Variants in STXBP4 observed in about 807,000 individuals in gnomAD.
The protein encoded by STXBP4 is syntaxin-binding protein 4.
STXBP4 carries 55 observed loss-of-function variants against 76.1 expected under a neutral mutation model. That is an observed-to-expected ratio of 0.72 (90% CI 0.58 to 0.91). The LOEUF is 0.91. Ranked by LOEUF, STXBP4 falls within the 40% of genes least tolerant of loss-of-function variation. STXBP4 has a pLI of 0.00. For synonymous variants in STXBP4, 201 were observed against 220.2 expected, an observed-to-expected ratio of 0.91 and a Z score of 0.77; for missense variants, 618 against 636.9, an observed-to-expected ratio of 0.97 and a Z score of 0.32.
chr17:55,016,093 T>C (rs1401337601), intron 8 of STXBP4, among the ~76,000 whole-genome samples: 1 of 152,150 alleles, frequency 6.6e-6, no homozygotes, highest in Non-Finnish European at 1.5e-5. Flanking sequence ...ATTTCTCTTC[T>C]GGAAAAAGAA....
chr17:55,188,991 C>G, the STXBP4 span, among the ~76,000 whole-genome samples: 1 of 151,938 alleles, frequency 6.6e-6, no homozygotes, highest in Admixed American at 6.6e-5. Context: ...CCTCATCTAC[C>G]CAGTCTCCAT....
At chr17:55,065,932 A>C (rs2079046178) in intron 12 of STXBP4, among the ~76,000 whole-genome samples, 1 of 152,162 alleles carries the variant, frequency 6.6e-6, no homozygotes, top group African/African-American at 2.4e-5. Context: ...AGCTAATTAT[A>C]ATCTGATTGA....
intron 16 of STXBP4, among the ~76,000 whole-genome samples, chr17:55,117,185 T>C (rs1285704698): frequency 6.6e-6 from 1 of 151,880 alleles, no homozygotes; most frequent in African/African-American, 2.4e-5. Flanking sequence ...GCAATTTTTT[T>C]AATCTATTGT....
At position 54,995,745 on chromosome 17, in the gene STXBP4, C is replaced by T. The variant is rs750822066; in HGVS notation, c.181-3600C>T. On this transcript the variant is annotated intron_variant, in intron 4 of 17. Coordinates refer to ENST00000376352, the MANE Select transcript of STXBP4 (RefSeq NM_178509.6). ...ATGGCAAACTATGAAGAAACCAGTC[C>T]CACTGGTGGGAGCTGAAGAAGTAGC... Among the ~76,000 whole-genome samples the T allele has an allele frequency of 6.0e-4, 91 of 152,128 alleles. 1 individual carries two copies. The highest frequency in any genetic ancestry group is 6.2e-4 in the Non-Finnish European group (42 of 68,018).
At chr17:55,113,971 C>T (rs1042943863) in intron 16 of STXBP4, among the ~76,000 whole-genome samples, 1 of 152,060 alleles carries the variant, frequency 6.6e-6, no homozygotes, top group Non-Finnish European at 1.5e-5. Flanking sequence ...CTTCTCTGTA[C>T]CTCATTTTCC....
chr17:54,973,990 T>A (rs1315768545), intron 1 of STXBP4, among the ~76,000 whole-genome samples: 1 of 152,244 alleles, frequency 6.6e-6, no homozygotes, highest in Non-Finnish European at 1.5e-5. Flanking sequence ...CACATAATGT[T>A]TTCTTATCTG....
intron 16 of STXBP4, among the ~76,000 whole-genome samples, chr17:55,128,803 C>T (rs2529504): frequency 0.28 from 42,969 of 151,692 alleles, 6,393 homozygotes; most frequent in African/African-American, 0.35. Flanking sequence ...TTTGTAGAGA[C>T]GGGGTTGCAC....
chr17:55,084,972 A>G (rs1046256060), intron 16 of STXBP4, among the ~76,000 whole-genome samples: 1 of 152,208 alleles, frequency 6.6e-6, no homozygotes, highest in Non-Finnish European at 1.5e-5. Flanking sequence ...ATGTCCAACA[A>G]TGATAGACTG....
chr17:55,029,127 C>G (rs1598230120), intron 8 of STXBP4, among the ~76,000 whole-genome samples: 2 of 151,630 alleles, frequency 1.3e-5, no homozygotes, highest in Non-Finnish European at 2.9e-5. Flanking sequence ...TAAATTCATA[C>G]AACGGATTAC....
chr17:54,977,976 G>A (rs1212597553), intron 1 of STXBP4, among the ~76,000 whole-genome samples: 1 of 152,146 alleles, frequency 6.6e-6, no homozygotes, highest in Admixed American at 6.5e-5. Context: ...CTTTTGAAAT[G>A]ACCTTAATGT....
intron 11 of STXBP4, among the ~76,000 whole-genome samples, chr17:55,045,121 A>G (rs960432159): frequency 6.6e-6 from 1 of 152,124 alleles, no homozygotes; most frequent in Non-Finnish European, 1.5e-5. Flanking sequence ...AGATATAGAC[A>G]CTTAAAATTT....
Position 55,160,156 on chromosome 17 carries a change from A to C in STXBP4, c.*245A>C, listed in dbSNP as rs1168312355. Reference sequence around the variant, plus strand: ...AGTTATATTTTTTGAAATCACATATAATTAGACTTTATAATATATATACTT... The same window carrying C: ...AGTTATATTTTTTGAAATCACATATCATTAGACTTTATAATATATATACTT... On this transcript the variant is annotated 3_prime_UTR_variant, in exon 18 of 18. Transcript: ENST00000376352. 3.5e-6 allele frequency: 1 copy of C among 284,652 alleles called. No individual in the cohort carries two copies. 17.6% of individuals were successfully genotyped at this position (284,652 alleles called of 1,614,324 possible). A position where few individuals can be genotyped will look rare whatever the true frequency, so the allele number is the denominator to read the frequency against.
the STXBP4 span, among the ~76,000 whole-genome samples, chr17:55,201,408 G>A: frequency 2.0e-5 from 3 of 151,950 alleles, no homozygotes; most frequent in Non-Finnish European, 4.4e-5. Context: ...AGGAAAGCAG[G>A]GGAGAGGAGG....
At chr17:55,192,846 A>C in the STXBP4 span, among the ~76,000 whole-genome samples, 1 of 152,174 alleles carries the variant, frequency 6.6e-6, no homozygotes, top group East Asian at 1.9e-4. Context: ...CAGACACTCA[A>C]ATCTTTGTCT....
chr17:55,207,513 C>G, the STXBP4 span, among the ~76,000 whole-genome samples: 4 of 152,300 alleles, frequency 2.6e-5, no homozygotes, highest in South Asian at 8.3e-4. Context: ...GAGAGAAAAG[C>G]TAACGACCTC....
At chr17:55,016,643 A>G (rs969124982) in intron 8 of STXBP4, among the ~76,000 whole-genome samples, 6 of 152,278 alleles carry the variant, frequency 3.9e-5, no homozygotes, top group African/African-American at 1.4e-4. Context: ...TTTTTCCTCA[A>G]TCACCTGGAA....
rs189849401 is a variant in STXBP4, at chr17:54,990,631, A to G, written c.48-194A>G. Reference sequence around the variant, plus strand: ...AGTGCATTTGAATCATCCCGAAACCATCACCCCTCTGCAACCCCATTCCCT... The same window carrying G: ...AGTGCATTTGAATCATCCCGAAACCGTCACCCCTCTGCAACCCCATTCCCT... On this transcript the variant is annotated intron_variant, in intron 3 of 17. Coordinates refer to ENST00000376352, the MANE Select transcript of STXBP4 (RefSeq NM_178509.6). 5.9e-5 allele frequency among the ~76,000 whole-genome samples: 9 copies of G among 152,240 alleles called. No homozygotes were observed. The East Asian group carries it at 1.5e-3, about 26-fold the overall frequency.
At chr17:55,207,829 C>T in the STXBP4 span, among the ~76,000 whole-genome samples, 1 of 152,094 alleles carries the variant, frequency 6.6e-6, no homozygotes, top group Admixed American at 6.5e-5. Flanking sequence ...GTTTGTTGAG[C>T]GGAACAAGAT....
intron 4 of STXBP4, among the ~76,000 whole-genome samples, chr17:54,997,039 G>A (rs1175209134): frequency 6.6e-6 from 1 of 152,188 alleles, no homozygotes; most frequent in Non-Finnish European, 1.5e-5. Flanking sequence ...TCAGGTAGTT[G>A]CTCTGTAACT....
Sources: gnomAD v4.1 joint callset for allele counts (sites outside exome capture counted in the v4.1 genomes callset) on GRCh38, gnomAD v4.1.1 for gene constraint, MANE v1.5 for transcripts, NCBI Gene and HGNC (gene_info 2026-07-23, HGNC 2026-07-21) for gene names.